Variants in USP37 observed in about 807,000 individuals in gnomAD.
USP37 encodes ubiquitin carboxyl-terminal hydrolase 37.
A neutral mutation model predicts 124.0 loss-of-function variants in USP37; 27 were observed. The ratio of observed to expected loss-of-function variants is 0.22; its 90% CI spans 0.16 to 0.30. The LOEUF is 0.30. Ranked by LOEUF, USP37 falls within the 10% of genes least tolerant of loss-of-function variation. The pLI is 1.00. For missense variants in USP37, 889 were observed against 1,140.4 expected, an observed-to-expected ratio of 0.78 and a Z score of 3.17; for synonymous variants, 365 against 388.0, an observed-to-expected ratio of 0.94 and a Z score of 0.70.
At chr2:218,546,605 G>C (rs559623454) in intron 7 of USP37, among the ~76,000 whole-genome samples, 2 of 152,240 alleles carry the variant, frequency 1.3e-5, no homozygotes, top group South Asian at 4.1e-4. Flanking sequence ...ATTTTTAGTA[G>C]AGAAGGGTTT....
Position 218,474,675 on chromosome 2 carries a change from G to A in USP37, c.2254C>T (p.Pro752Ser), listed in dbSNP as rs1386221020. Residue 752 changes from proline to serine, a missense_variant, in exon 20 of 26, where the codon CCA (proline) becomes TCA (serine). By Grantham distance (74) the Pro-to-Ser change is moderately conservative. Coordinates refer to ENST00000258399, the MANE Select transcript of USP37 (RefSeq NM_020935.3). ...EDDIQEMPENPDTMETEKPKT... is the reference protein window; with the variant it reads ...EDDIQEMPENSDTMETEKPKT... Reference sequence around the variant, plus strand: ...GGCTTCTCAGTTTCCATAGTGTCTGGATTTTCTGGCATTTCTTGAATATCA... The same window carrying A: ...GGCTTCTCAGTTTCCATAGTGTCTGAATTTTCTGGCATTTCTTGAATATCA... 1 of 1,614,140 alleles carries A rather than the reference G, an allele frequency of 6.2e-7. No individual in the cohort carries two copies. Among genetic ancestry groups the A allele is most frequent in the Non-Finnish European group, 8.5e-7 (1 of 1,180,030 alleles).
At chr2:218,523,654 G>A (rs1323761256) in intron 10 of USP37, among the ~76,000 whole-genome samples, 2 of 152,068 alleles carry the variant, frequency 1.3e-5, no homozygotes, top group East Asian at 3.8e-4. Context: ...CTGGGCTCAA[G>A]CTATCCCCCT....
At chr2:218,532,322 T>G (rs1691372830) in intron 9 of USP37, among the ~76,000 whole-genome samples, 1 of 151,810 alleles carries the variant, frequency 6.6e-6, no homozygotes, top group African/African-American at 2.4e-5. Flanking sequence ...AAAAATTAGC[T>G]GCATGTAGTG....
intron 15 of USP37, 144 bp downstream of exon 15, chr2:218,488,160 A>C: frequency 1.7e-6 from 1 of 583,326 alleles, no homozygotes; most frequent in South Asian, 2.5e-5. Context: ...AGGGTGACAA[A>C]GTGAGACCCT....
rs1271852231 is a variant in USP37, at chr2:218,453,073, G to A, written c.*1857C>T. The A allele has an allele frequency of 6.6e-6, 1 of 152,168 alleles. No homozygotes were observed. Among genetic ancestry groups the A allele is most frequent in the Non-Finnish European group, 1.5e-5 (1 of 68,030 alleles). The allele number at this position is 152,168 out of a possible 1,614,324, so 9.4% of individuals were successfully genotyped here. A position where few individuals can be genotyped will look rare whatever the true frequency, so the allele number is the denominator to read the frequency against. ...TAAGGTATATAGGTAGATGGTAGGAGGCAAAGCATTTATCAGTAGTTGAGC... is the reference window on the plus strand; with the variant it reads ...TAAGGTATATAGGTAGATGGTAGGAAGCAAAGCATTTATCAGTAGTTGAGC... On this transcript the variant is annotated 3_prime_UTR_variant, in exon 26 of 26. Coordinates refer to ENST00000258399, the MANE Select transcript of USP37 (RefSeq NM_020935.3).
intron 8 of USP37, among the ~76,000 whole-genome samples, chr2:218,545,184 C>T (rs924569593): frequency 6.6e-6 from 1 of 152,230 alleles, no homozygotes; most frequent in African/African-American, 2.4e-5. Context: ...CCACTGTACG[C>T]TTTTGCCACA....
chr2:218,458,039 C>CAAAAAAAAAA (rs34696201), intron 23 of USP37, among the ~76,000 whole-genome samples: 5 of 90,178 alleles, frequency 5.5e-5, no homozygotes, highest in South Asian at 3.5e-4. Context: ...GACTCTGTCT[C>CAAAAAAAAAA]AAAAAAAAAA....
rs114944815 is a variant in USP37, at chr2:218,532,132, C to A, written c.779-2092G>T. On this transcript the variant is annotated intron_variant, in intron 9 of 25. Transcript: ENST00000258399. ...CATCACATGCTACAGAGAAACCTTT[C>A]ATGAAACGAAGAGTCAATCAGAGAT... 3.2e-3 allele frequency among the ~76,000 whole-genome samples: 489 copies of A among 152,258 alleles called. 1 individual carries two copies. Among genetic ancestry groups the A allele is most frequent in the African/African-American group, 0.011 (470 of 41,540 alleles).
chr2:218,474,352 C>T (rs189863335), intron 20 of USP37, among the ~76,000 whole-genome samples: 50 of 152,158 alleles, frequency 3.3e-4, no homozygotes, highest in Admixed American at 6.6e-4. Flanking sequence ...TACAGATCCA[C>T]TTCACCTCCC....
intron 23 of USP37, among the ~76,000 whole-genome samples, chr2:218,457,856 C>G (rs1217407259): frequency 6.6e-6 from 1 of 151,394 alleles, no homozygotes; most frequent in Non-Finnish European, 1.5e-5. Context: ...GACCATCCTG[C>G]CTAACACAGT....
intron 11 of USP37, 199 bp from the exon 12 acceptor site, chr2:218,498,356 T>C (rs1689183836): frequency 7.5e-6 from 3 of 400,436 alleles, no homozygotes; most frequent in Admixed American, 9.1e-5. Flanking sequence ...CACAAAAATG[T>C]CCATTTCTAA....
Position 218,479,656 on chromosome 2 carries a change from G to A in USP37, c.1895C>T (p.Pro632Leu), listed in dbSNP as rs774581242. 6.2e-7 allele frequency: 1 copy of A among 1,612,324 alleles called. No homozygotes were observed. The change falls in exon 18 of 26, where the codon CCT becomes CTT. Residue 632 changes from proline to leucine, a missense_variant. Pro to Leu is a moderately conservative substitution (Grantham distance 98). Transcript: ENST00000258399. ...CATAAGAAATATAACTCACTTTGAAGGTGTAGAAGGGCTGGTGATGCAGGA... is the reference window on the plus strand; with the variant it reads ...CATAAGAAATATAACTCACTTTGAAAGTGTAGAAGGGCTGGTGATGCAGGA... The part of the protein sequence containing the change: ...VNSCITSPST[P>L]SKKFTFKSKS...
At position 218,562,709 on chromosome 2, in the gene USP37, G is replaced by T; in HGVS notation, c.-125C>A. 2.5e-6 allele frequency: 1 copy of T among 398,536 alleles called. No individual in the cohort carries two copies. The highest frequency in any genetic ancestry group is 3.6e-5 in the East Asian group (1 of 28,062). 24.7% of individuals were successfully genotyped at this position (398,536 alleles called of 1,614,324 possible). ...TTTTACCGAAAAACCCTATGTAATA[G>T]CAATTCACCTTTATTCTGATCCTTG... On this transcript the variant is annotated 5_prime_UTR_variant, in exon 2 of 26. Transcript: ENST00000258399.
chr2:218,483,600 A>G lies in USP37; in HGVS notation c.1671-1366T>C, dbSNP rs563247658. On this transcript the variant is annotated intron_variant, in intron 16 of 25. Coordinates refer to ENST00000258399, the MANE Select transcript of USP37 (RefSeq NM_020935.3). ...ACACAAGTGATCTACCAGGAAAAAAAAAAAAAAGAAAAAAAAGAAAGAAAA... is the reference window on the plus strand; with the variant it reads ...ACACAAGTGATCTACCAGGAAAAAAGAAAAAAAGAAAAAAAAGAAAGAAAA... Among the ~76,000 whole-genome samples the G allele has an allele frequency of 5.3e-5, 8 of 151,802 alleles. No homozygotes were observed. In the East Asian group the frequency reaches 1.5e-3, roughly 29 times the overall value.
At chr2:218,522,422 G>A (rs537359438) in intron 10 of USP37, among the ~76,000 whole-genome samples, 7 of 150,622 alleles carry the variant, frequency 4.6e-5, no homozygotes, top group Non-Finnish European at 5.9e-5. Context: ...AATTAGCCAA[G>A]CACGGTGGCA....
intron 4 of USP37, among the ~76,000 whole-genome samples, chr2:218,557,408 T>A (rs1394974313): frequency 6.6e-6 from 1 of 152,016 alleles, no homozygotes; most frequent in African/African-American, 2.4e-5. Flanking sequence ...GGCGAACAAT[T>A]AGCAGATATA....
At chr2:218,550,691 C>T (rs890477714) in intron 5 of USP37, among the ~76,000 whole-genome samples, 2 of 151,178 alleles carry the variant, frequency 1.3e-5, no homozygotes, top group Non-Finnish European at 2.9e-5. Flanking sequence ...ATCTTGCTTC[C>T]CCTCACACTG....
intron 5 of USP37, among the ~76,000 whole-genome samples, chr2:218,551,843 A>G (rs1487596381): frequency 1.3e-5 from 2 of 151,336 alleles, no homozygotes; most frequent in Admixed American, 1.3e-4. Flanking sequence ...CCCAGGCTGG[A>G]GTGCAGTGGC....
intron 18 of USP37, among the ~76,000 whole-genome samples, chr2:218,477,188 T>TTA (rs1211374451): frequency 6.6e-6 from 1 of 152,256 alleles, no homozygotes; most frequent in Non-Finnish European, 1.5e-5. Flanking sequence ...CTTATGCTAC[T>TTA]ACGTATCATC....
Sources: allele counts gnomAD v4.1 joint callset (sites outside exome capture counted in the v4.1 genomes callset), GRCh38; gene constraint gnomAD v4.1.1; transcripts MANE v1.5; gene names NCBI Gene and HGNC (gene_info 2026-07-23, HGNC 2026-07-21).